Variants in RGS6 observed in about 807,000 individuals in gnomAD.
RGS6 encodes regulator of G-protein signaling 6.
Under a neutral mutation model 78.5 loss-of-function variants are expected in RGS6, and 30 were observed. The ratio of observed to expected loss-of-function variants is 0.38; its 90% CI spans 0.29 to 0.52. RGS6 has a LOEUF of 0.52. RGS6 is among the 20% of genes least tolerant of loss of function. The pLI is 0.85. For synonymous variants in RGS6, 206 were observed against 206.0 expected, an observed-to-expected ratio of 1.00 and a Z score of 0.00; for missense variants, 495 against 609.7, an observed-to-expected ratio of 0.81 and a Z score of 1.98.
chr14:71,958,033 A>T (rs2238282), intron 1 of RGS6, among the ~76,000 whole-genome samples: 3 of 151,986 alleles, frequency 2.0e-5, no homozygotes, highest in African/African-American at 7.3e-5. Context: ...ATATATATAT[A>T]TATGCAGCTT....
intron 3 of RGS6, among the ~76,000 whole-genome samples, chr14:72,392,205 T>C (rs1235281612): frequency 1.3e-5 from 2 of 152,080 alleles, no homozygotes; most frequent in Admixed American, 1.3e-4. Context: ...TATATATATT[T>C]GTCACAAGGA....
intron 2 of RGS6, among the ~76,000 whole-genome samples, chr14:72,193,723 G>A (rs1406374223): frequency 1.3e-5 from 2 of 152,214 alleles, no homozygotes; most frequent in Non-Finnish European, 2.9e-5. Flanking sequence ...TGCAAACGAG[G>A]TGACATTTGA....
chr14:72,303,075 CTTTA>C (rs1279482590), intron 2 of RGS6, among the ~76,000 whole-genome samples: 1 of 152,180 alleles, frequency 6.6e-6, no homozygotes, highest in Non-Finnish European at 1.5e-5. Flanking sequence ...CTTTTTATGT[CTTTA>C]TTAGCAGCAT....
At chr14:72,583,471 T>A in the RGS6 span, among the ~76,000 whole-genome samples, 7 of 152,364 alleles carry the variant, frequency 4.6e-5, no homozygotes, top group South Asian at 1.5e-3. Context: ...ATATGTACTT[T>A]GGGCTGGAGC....
chr14:72,161,766 T>G (rs1021654980), intron 2 of RGS6, among the ~76,000 whole-genome samples: 1 of 152,248 alleles, frequency 6.6e-6, no homozygotes, highest in Non-Finnish European at 1.5e-5. Context: ...ACAGCCAGGC[T>G]TGCTTGCATT....
the RGS6 span, among the ~76,000 whole-genome samples, chr14:71,877,849 C>G: frequency 1.3e-5 from 2 of 152,180 alleles, no homozygotes; most frequent in Non-Finnish European, 2.9e-5. Context: ...TGGTGACATA[C>G]AAATGGGGTT....
At chr14:72,572,830 G>A in the RGS6 span, among the ~76,000 whole-genome samples, 2 of 151,586 alleles carry the variant, frequency 1.3e-5, no homozygotes, top group East Asian at 3.9e-4. Context: ...TTTCAGTAAA[G>A]CTGCTAAAAA....
chr14:72,011,593 AAT>A (rs201828980), intron 2 of RGS6, among the ~76,000 whole-genome samples: 2 of 140,764 alleles, frequency 1.4e-5, no homozygotes, highest in East Asian at 2.1e-4. Flanking sequence ...AAAAAAAAAA[AAT>A]AATGCAAATA....
intron 2 of RGS6, among the ~76,000 whole-genome samples, chr14:72,004,565 G>C (rs972908612): frequency 6.6e-6 from 1 of 152,196 alleles, no homozygotes; most frequent in Non-Finnish European, 1.5e-5. Flanking sequence ...TCAGCACAGT[G>C]GTTCATGCCT....
intron 2 of RGS6, among the ~76,000 whole-genome samples, chr14:72,118,157 T>TA (rs2095951455): frequency 2.0e-5 from 3 of 148,486 alleles, no homozygotes; most frequent in Non-Finnish European, 3.0e-5. Flanking sequence ...TCACTGCCAT[T>TA]TAAAAAAAAA....
intron 1 of RGS6, among the ~76,000 whole-genome samples, chr14:71,941,125 C>T (rs924934516): frequency 3.9e-5 from 6 of 152,294 alleles, no homozygotes; most frequent in Middle Eastern, 3.4e-3. Flanking sequence ...TCACTTTGTC[C>T]GTTGAACTTA....
chr14:72,079,822 A>C (rs2094742283), intron 2 of RGS6, among the ~76,000 whole-genome samples: 1 of 152,134 alleles, frequency 6.6e-6, no homozygotes, highest in African/African-American at 2.4e-5. Context: ...TTCACTTAAC[A>C]TTAATGTCCT....
At chr14:72,432,540 C>T (rs1389773598) in intron 3 of RGS6, among the ~76,000 whole-genome samples, 1 of 152,220 alleles carries the variant, frequency 6.6e-6, no homozygotes, top group Non-Finnish European at 1.5e-5. Flanking sequence ...TTAACCAGAT[C>T]TATTTATAAG....
intron 3 of RGS6, among the ~76,000 whole-genome samples, chr14:72,453,822 C>G (rs2095559187): frequency 6.6e-6 from 1 of 152,086 alleles, no homozygotes; most frequent in South Asian, 2.1e-4. Context: ...TATTGTGGCT[C>G]TGCATTCCCC....
At chr14:72,480,473 G>A (rs895644591) in intron 12 of RGS6, among the ~76,000 whole-genome samples, 5 of 152,136 alleles carry the variant, frequency 3.3e-5, no homozygotes, top group East Asian at 3.9e-4. Flanking sequence ...GCTACTCCTC[G>A]GTGCCCAGCT....
intron 15 of RGS6, among the ~76,000 whole-genome samples, chr14:72,527,224 C>T (rs1170707396): frequency 6.6e-6 from 1 of 152,228 alleles, no homozygotes; most frequent in Non-Finnish European, 1.5e-5. Flanking sequence ...GCAGTGGCCA[C>T]ACCTTCTACT....
intron 15 of RGS6, among the ~76,000 whole-genome samples, chr14:72,524,638 C>G (rs1213404755): frequency 6.6e-6 from 1 of 152,226 alleles, no homozygotes; most frequent in East Asian, 1.9e-4. Flanking sequence ...TCATGAACAT[C>G]CATTCTCCCA....
Position 72,265,466 on chromosome 14 carries a change from A to G in RGS6, c.85-86629A>G, listed in dbSNP as rs185485050. ...GTGGAGAAGACCTCTTGGGAACCAC[A>G]GACAGGCTGTAGGGTTGTCGTGTTT... On this transcript the variant is annotated intron_variant, in intron 2 of 17. Coordinates refer to ENST00000553525, the MANE Select transcript of RGS6 (RefSeq NM_001204424.2). Among the ~76,000 whole-genome samples the G allele has an allele frequency of 2.0e-5, 3 of 152,300 alleles. No homozygotes were observed. In the East Asian group the frequency reaches 5.8e-4, roughly 29 times the overall value.
chr14:72,521,570 T>A (rs1338902789), intron 15 of RGS6, among the ~76,000 whole-genome samples: 1 of 152,242 alleles, frequency 6.6e-6, no homozygotes, highest in East Asian at 1.9e-4. Flanking sequence ...GACATGAGGA[T>A]GTCTTAAGCA....
Sources: allele counts gnomAD v4.1 joint callset (sites outside exome capture counted in the v4.1 genomes callset), GRCh38; gene constraint gnomAD v4.1.1; transcripts MANE v1.5; gene names NCBI Gene and HGNC (gene_info 2026-07-23, HGNC 2026-07-21).